Variants in PCDHGA1 observed in about 807,000 individuals in gnomAD.
PCDHGA1 encodes the protein protocadherin gamma-A1.
Under a neutral mutation model 58.0 loss-of-function variants are expected in PCDHGA1, and 32 were observed. The observed-to-expected ratio is 0.55, with a 90% CI of 0.42 to 0.74. The LOEUF is 0.74. PCDHGA1 is among the 30% of genes least tolerant of loss of function. The pLI, the probability that PCDHGA1 is intolerant of heterozygous loss-of-function variation, is 0.00. For missense variants in PCDHGA1, 1,205 were observed against 1,182.3 expected, an observed-to-expected ratio of 1.02 and a Z score of -0.28; for synonymous variants, 498 against 501.1, an observed-to-expected ratio of 0.99 and a Z score of 0.08.
At chr5:141,352,091 G>T in intron 1 of PCDHGA1, 2 of 1,605,050 alleles carry the variant, frequency 1.2e-6, no homozygotes, top group Non-Finnish European at 8.5e-7. Flanking sequence ...CAGCGAGCCC[G>T]GGCTCTTCAG....
chr5:141,345,872 G>C, intron 1 of PCDHGA1: 1 of 1,613,472 alleles, frequency 6.2e-7, no homozygotes, highest in Non-Finnish European at 8.5e-7. Context: ...AGGCCAGCGA[G>C]CCGGGACTCT....
intron 1 of PCDHGA1, chr5:141,409,818 C>G (rs1027344375): frequency 3.7e-6 from 6 of 1,610,800 alleles, no homozygotes; most frequent in African/African-American, 1.3e-5. Flanking sequence ...GACCACGGCT[C>G]GCCCACGCTC....
chr5:141,332,917 G>T lies in PCDHGA1; in HGVS notation c.2233G>T (p.Gly745Trp). The T allele has an allele frequency of 6.2e-7, 1 of 1,614,228 alleles. No homozygotes were observed. Among genetic ancestry groups the T allele is most frequent in the Non-Finnish European group, 8.5e-7 (1 of 1,180,038 alleles). ...MPGSHFVGVDGVRAFLQTYSH... is the reference protein window; with the variant it reads ...MPGSHFVGVDWVRAFLQTYSH... ...CGGTTCGCACTTTGTGGGCGTGGAC[G>T]GGGTTCGGGCTTTCCTGCAGACCTA... Residue 745 changes from glycine to tryptophan, a missense_variant, in exon 1 of 4, where the codon GGG becomes TGG. Physicochemically the swap from Gly to Trp is radical, Grantham distance 184. Coordinates refer to ENST00000517417, the MANE Select transcript of PCDHGA1 (RefSeq NM_018912.3). The surrounding 1 kb of genome is among the most constrained non-coding windows in gnomAD (Gnocchi z 4.6).
chr5:141,414,752 A>G (rs1339630983), intron 1 of PCDHGA1: 9 of 1,614,110 alleles, frequency 5.6e-6, no homozygotes, highest in Non-Finnish European at 7.6e-6. Flanking sequence ...TCCTTCGACT[A>G]TGAGCAGTTT....
chr5:141,356,629 C>A (rs539223559), intron 1 of PCDHGA1: 1 of 1,614,188 alleles, frequency 6.2e-7, no homozygotes, highest in African/African-American at 1.3e-5. Context: ...TATGACTGCT[C>A]AAGACCCTGA....
intron 1 of PCDHGA1, among the ~76,000 whole-genome samples, chr5:141,402,769 C>T (rs1404796973): frequency 6.6e-6 from 1 of 152,196 alleles, no homozygotes; most frequent in Non-Finnish European, 1.5e-5. Context: ...GGACTCCATC[C>T]GGATTTCCAG....
At chr5:141,341,393 C>G in intron 1 of PCDHGA1, 3 of 1,614,194 alleles carry the variant, frequency 1.9e-6, no homozygotes, top group Non-Finnish European at 2.5e-6. Context: ...AACGTTTTCT[C>G]AGGTAATCTA....
At chr5:141,378,725 T>C (rs999480102) in intron 1 of PCDHGA1, 1 of 152,206 alleles carries the variant, frequency 6.6e-6, no homozygotes, top group Admixed American at 6.5e-5. Flanking sequence ...ATAGGAACTC[T>C]TTATTGAAAT....
intron 1 of PCDHGA1, chr5:141,350,912 C>A (rs1302885746): frequency 6.2e-7 from 1 of 1,614,092 alleles, no homozygotes; most frequent in East Asian, 2.2e-5. Flanking sequence ...CGGGGACCCG[C>A]CTCTAAGCGG....
At chr5:141,364,725 G>T (rs775854228) in intron 1 of PCDHGA1, 4 of 1,613,828 alleles carry the variant, frequency 2.5e-6, no homozygotes, top group African/African-American at 1.3e-5. Context: ...AACTTCCCGC[G>T]TTTCCGGGAT....
rs775104626 is a variant in PCDHGA1, at chr5:141,486,636, C to T, written c.2422-8171C>T. On this transcript the variant is annotated intron_variant, in intron 1 of 3. Transcript: ENST00000517417. This position sits in a 1 kb window ranked among gnomAD's most constrained non-coding sequence, Gnocchi z 5.0. ...TCTGACCCAGACTCTGGCTTGAATG[C>T]GCTTATCTCCTACTCACTCCTGGAG... 7 of 1,613,540 alleles carry T rather than the reference C, an allele frequency of 4.3e-6. No individual in the cohort carries two copies. The highest frequency in any genetic ancestry group is 1.3e-5 in the African/African-American group (1 of 74,926).
Position 141,332,356 on chromosome 5 carries a change from A to C in PCDHGA1, c.1672A>C (p.Asn558His). Residue 558 changes from asparagine (N) to histidine (H), a missense_variant, in exon 1 of 4, where the codon AAC (asparagine) becomes CAC (histidine). By Grantham distance (68) the Asn-to-His change is moderately conservative (BLOSUM62 1). Transcript: ENST00000517417. The surrounding 1 kb of genome is among the most constrained non-coding windows in gnomAD (Gnocchi z 4.6). Reference protein sequence around the residue: ...LSLFLLDQNDNAPEILYPALP... With the variant: ...LSLFLLDQNDHAPEILYPALP... ...CCTATTCCTGCTGGACCAGAACGAC[A>C]ACGCGCCCGAGATCCTGTACCCCGC... 6.2e-7 allele frequency: 1 copy of C among 1,614,108 alleles called. No homozygotes were observed. Among genetic ancestry groups the C allele is most frequent in the Non-Finnish European group, 8.5e-7 (1 of 1,180,026 alleles).
At chr5:141,451,018 C>T (rs1307161489) in intron 1 of PCDHGA1, among the ~76,000 whole-genome samples, 7 of 151,264 alleles carry the variant, frequency 4.6e-5, no homozygotes, top group African/African-American at 1.5e-4. Flanking sequence ...TTAGTAGAGA[C>T]GAGGTTTCAC....
chr5:141,445,025 C>T (rs2154560886), intron 1 of PCDHGA1, among the ~76,000 whole-genome samples: 2 of 152,200 alleles, frequency 1.3e-5, no homozygotes, highest in Middle Eastern at 6.8e-3. Flanking sequence ...TTTCTCTCAG[C>T]TATGTTGTAT....
chr5:141,436,501 G>A (rs1382579407), intron 1 of PCDHGA1, among the ~76,000 whole-genome samples: 1 of 152,118 alleles, frequency 6.6e-6, no homozygotes, highest in Admixed American at 6.5e-5. Context: ...TTGCAATTAG[G>A]TAAATTGTTA....
In PCDHGA1 at chr5:141,433,028, G is replaced by T. The variant is rs539293579; in HGVS notation, c.2422-61779G>T. 27 of 1,614,116 alleles carry T rather than the reference G, an allele frequency of 1.7e-5. No individual in the cohort carries two copies. The highest frequency in any genetic ancestry group is 6.7e-5 in the Admixed American group (4 of 60,018). On this transcript the variant is annotated intron_variant, in intron 1 of 3. Coordinates refer to ENST00000517417, the MANE Select transcript of PCDHGA1 (RefSeq NM_018912.3). ...TTTCCTGCAGACCTATTCCCACGAG[G>T]TTTCCCTCACCACGGACTCGCGGAA...
Position 141,477,148 on chromosome 5 carries a change from T to A in PCDHGA1, c.2422-17659T>A. 1 of 1,614,172 alleles carries A rather than the reference T, an allele frequency of 6.2e-7. No individual in the cohort carries two copies. Among genetic ancestry groups the A allele is most frequent in the African/African-American group, 1.3e-5 (1 of 75,050 alleles). On this transcript the variant is annotated intron_variant, in intron 1 of 3. Transcript: ENST00000517417. This position sits in a 1 kb window ranked among gnomAD's most constrained non-coding sequence, Gnocchi z 4.9. ...GCAAAGTGTTGGTGGAGGTTGTGGA[T>A]GTGAATGACAACGCCCCGGAGATCA...
rs374478954 is a variant in PCDHGA1 at position 141,370,771 on chromosome 5, T to C, written c.2421+37666T>C. The C allele has an allele frequency of 2.0e-5, 33 of 1,614,000 alleles. No homozygotes were observed. The African/African-American group carries it at 3.9e-4, about 19-fold the overall frequency. On this transcript the variant is annotated intron_variant, in intron 1 of 3. Coordinates refer to ENST00000517417, the MANE Select transcript of PCDHGA1 (RefSeq NM_018912.3). Reference sequence around the variant, plus strand: ...CATGTAACTGTGCTGATCCAGGATATTAACGACAACCCACCGACCTTTAGC... The same window carrying C: ...CATGTAACTGTGCTGATCCAGGATACTAACGACAACCCACCGACCTTTAGC...
chr5:141,409,670 T>C lies in PCDHGA1; in HGVS notation c.2421+76565T>C, dbSNP rs2095300697. 1.9e-6 allele frequency: 3 copies of C among 1,613,486 alleles called. No homozygotes were observed. In the East Asian group the frequency reaches 6.7e-5, roughly 36 times the overall value. ...GGGGCTCAATGGCCACATCTCCTACTCTATAGTGGCGAGTGACCTAGAGCC... is the reference window on the plus strand; with the variant it reads ...GGGGCTCAATGGCCACATCTCCTACCCTATAGTGGCGAGTGACCTAGAGCC... On this transcript the variant is annotated intron_variant, in intron 1 of 3. Transcript: ENST00000517417.
Sources: gnomAD v4.1 joint callset for allele counts (sites outside exome capture counted in the v4.1 genomes callset) on GRCh38, gnomAD v4.1.1 for gene constraint, Gnocchi (gnomAD v3.1) non-coding constraint, MANE v1.5 for transcripts, NCBI Gene and HGNC (gene_info 2026-07-23, HGNC 2026-07-21) for gene names.